Variants in HESX1 observed in about 807,000 individuals in gnomAD.
The protein encoded by HESX1 is HESX homeobox 1.
A neutral mutation model predicts 22.5 loss-of-function variants in HESX1; 11 were observed. That is an observed-to-expected ratio of 0.49 (90% CI 0.31 to 0.81). The LOEUF (loss-of-function observed/expected upper bound fraction) is 0.81, where lower values mean the gene tolerates loss of function less well. Among genes scored for constraint, HESX1 ranks in the 30% least tolerant of loss-of-function variants. The pLI is 0.05. For missense variants in HESX1, 201 were observed against 212.6 expected (o/e 0.95, Z 0.34); for synonymous variants, 74 against 76.5 (o/e 0.97, Z 0.17).
Position 57,198,404 on chromosome 3 carries a change from T to C in HESX1, c.446A>G (p.Glu149Gly), listed in dbSNP as rs1365955950. The change falls in exon 3 of 4, where the codon GAA becomes GGA. Residue 149 changes from glutamate to glycine, a missense_variant. Physicochemically the swap from Glu to Gly is moderately conservative, Grantham distance 98 (BLOSUM62 -2). Coordinates refer to ENST00000295934, the MANE Select transcript of HESX1 (RefSeq NM_003865.3). ...TTTGAAAATTACCTGGATTCTGTCT[T>C]CCTCTAGATTCAATTTTTGAGCTAA... is the stretch of plus-strand genomic sequence containing the variant. ...EDLAQKLNLE[E>G]DRIQIWFQNR... The C allele has an allele frequency of 1.3e-6, 2 of 1,596,578 alleles. No homozygotes were observed. Among genetic ancestry groups the C allele is most frequent in the East Asian group, 2.2e-5 (1 of 44,680 alleles).
At chr3:57,215,221 G>A (rs1404855463) in intron 1 of HESX1, among the ~76,000 whole-genome samples, 1 of 152,034 alleles carries the variant, frequency 6.6e-6, no homozygotes, top group East Asian at 1.9e-4. Flanking sequence ...ATTAGAAATA[G>A]TTTAAAATAT....
intron 1 of HESX1, among the ~76,000 whole-genome samples, chr3:57,212,991 A>C (rs2060564443): frequency 6.6e-6 from 1 of 151,992 alleles, no homozygotes; most frequent in South Asian, 2.1e-4. Context: ...CCACCCTGGC[A>C]CACATGCACA....
intron 1 of HESX1, among the ~76,000 whole-genome samples, chr3:57,216,858 A>G (rs577682718): frequency 6.6e-6 from 1 of 152,212 alleles, no homozygotes; most frequent in African/African-American, 2.4e-5. Flanking sequence ...AGGTACTTTA[A>G]CCCTATGTAA....
upstream of HESX1, among the ~76,000 whole-genome samples, chr3:57,201,197 T>C (rs766760958): frequency 1.9e-4 from 29 of 152,216 alleles, no homozygotes; most frequent in Admixed American, 5.9e-4. Context: ...CTCACAAATA[T>C]TGAGCTAAAT....
At chr3:57,214,684 T>C (rs910225844) in intron 1 of HESX1, among the ~76,000 whole-genome samples, 1 of 152,218 alleles carries the variant, frequency 6.6e-6, no homozygotes, top group Non-Finnish European at 1.5e-5. Flanking sequence ...CTTATTGCTG[T>C]TATCAATGTT....
intron 1 of HESX1, among the ~76,000 whole-genome samples, chr3:57,217,749 A>G (rs2060590535): frequency 6.6e-6 from 1 of 152,050 alleles, no homozygotes. Context: ...CACCCCACAC[A>G]AAAGCCCTCC....
At chr3:57,214,058 G>A (rs1016886899) in intron 1 of HESX1, among the ~76,000 whole-genome samples, 2 of 152,200 alleles carry the variant, frequency 1.3e-5, no homozygotes, top group Non-Finnish European at 2.9e-5. Context: ...TAAGAGGATA[G>A]TAATTAATGT....
upstream of HESX1, among the ~76,000 whole-genome samples, chr3:57,202,467 C>T (rs1023680747): frequency 4.3e-4 from 65 of 152,178 alleles, 1 homozygote; most frequent in African/African-American, 1.5e-3. Context: ...TCCTGAGTAG[C>T]TGGGATTACA....
intron 1 of HESX1, among the ~76,000 whole-genome samples, chr3:57,199,491 T>C (rs911603812): frequency 6.6e-6 from 1 of 151,960 alleles, no homozygotes. Flanking sequence ...TGGTGGTGCA[T>C]GCCTGTAATC....
upstream of HESX1, among the ~76,000 whole-genome samples, chr3:57,200,235 A>G (rs1220772203): frequency 2.6e-5 from 4 of 152,256 alleles, no homozygotes; most frequent in Non-Finnish European, 5.9e-5. Flanking sequence ...TCTCTAAAGA[A>G]GTGATGCACA....
upstream of HESX1, among the ~76,000 whole-genome samples, chr3:57,204,798 CAAAA>C (rs35358466): frequency 7.4e-6 from 1 of 134,430 alleles, no homozygotes; most frequent in African/African-American, 2.7e-5. Flanking sequence ...AACCTTGTCT[CAAAA>C]AAAAAAAAAA....
upstream of HESX1, among the ~76,000 whole-genome samples, chr3:57,202,479 G>A (rs534032417): frequency 1.3e-5 from 2 of 152,158 alleles, no homozygotes; most frequent in East Asian, 1.9e-4. Context: ...GGGATTACAC[G>A]TGTGCACCAC....
At chr3:57,219,079 G>A (rs968804733) in intron 1 of HESX1, among the ~76,000 whole-genome samples, 1 of 152,272 alleles carries the variant, frequency 6.6e-6, no homozygotes, top group Non-Finnish European at 1.5e-5. Context: ...ACCAGCATCT[G>A]TTATCTTTTT....
upstream of HESX1, among the ~76,000 whole-genome samples, chr3:57,201,520 TA>T (rs1305403775): frequency 2.0e-5 from 3 of 151,452 alleles, no homozygotes; most frequent in Admixed American, 1.3e-4. Context: ...AAAAACAAAA[TA>T]CTATCCTTGC....
At chr3:57,201,875 ATATC>A (rs759735344), upstream of HESX1, among the ~76,000 whole-genome samples, 39,277 of 130,870 alleles carry the variant, frequency 0.3, 5,391 homozygotes, top group African/African-American at 0.33. Context: ...CTATCTATCT[ATATC>A]TATCTATCTA....
intron 1 of HESX1, among the ~76,000 whole-genome samples, chr3:57,219,147 A>C (rs1163764510): frequency 2.0e-5 from 3 of 152,144 alleles, no homozygotes; most frequent in Non-Finnish European, 4.4e-5. Context: ...TTGTATGCTC[A>C]TCATTTAGCT....
At chr3:57,203,122 G>GT (rs758224734), upstream of HESX1, among the ~76,000 whole-genome samples, 36 of 152,202 alleles carry the variant, frequency 2.4e-4, no homozygotes, top group Non-Finnish European at 3.5e-4. Flanking sequence ...GATAGAATTT[G>GT]TTTTTAAACC....
At chr3:57,216,595 T>TGA (rs967771313) in intron 1 of HESX1, among the ~76,000 whole-genome samples, 1 of 152,114 alleles carries the variant, frequency 6.6e-6, no homozygotes, top group Admixed American at 6.6e-5. Context: ...TAGGTGAGAG[T>TGA]GAGACTCTGT....
intron 1 of HESX1, among the ~76,000 whole-genome samples, chr3:57,205,325 G>A (rs2060513782): frequency 6.6e-6 from 1 of 151,980 alleles, no homozygotes; most frequent in South Asian, 2.1e-4. Flanking sequence ...TGGGAGGATC[G>A]CTTGAGCCCA....
Sources: gnomAD v4.1 joint callset for allele counts (sites outside exome capture counted in the v4.1 genomes callset) on GRCh38, gnomAD v4.1.1 for gene constraint, MANE v1.5 for transcripts, NCBI Gene and HGNC (gene_info 2026-07-23, HGNC 2026-07-21) for gene names.